The following PLEKHA6 variants were observed in gnomAD, a reference collection of about 807,000 sequenced individuals.
The protein encoded by PLEKHA6 is pleckstrin homology domain-containing family A member 6.
A neutral mutation model predicts 116.7 loss-of-function variants in PLEKHA6; 60 were observed. That is an observed-to-expected ratio of 0.51 (90% confidence interval 0.42 to 0.64). The LOEUF (loss-of-function observed/expected upper bound fraction) is 0.64. Among genes scored for constraint, PLEKHA6 ranks in the 30% least tolerant of loss-of-function variants. The pLI, the probability that PLEKHA6 is intolerant of heterozygous loss-of-function variation, is 0.00. For synonymous variants in PLEKHA6, 489 were observed against 556.1 expected, an observed-to-expected ratio of 0.88 and a Z score of 1.70; for missense variants, 1,338 against 1,422.7, an observed-to-expected ratio of 0.94 and a Z score of 0.96.
chr1:204,267,281 T>A (rs900004428), intron 5 of PLEKHA6, among the ~76,000 whole-genome samples, 194 bp downstream of exon 5: 2 of 152,204 alleles, frequency 1.3e-5, no homozygotes, highest in South Asian at 4.1e-4. Flanking sequence ...GTGAACTGAA[T>A]GGGTGAGTAA....
chr1:204,352,791 C>A (rs3014612), intron 1 of PLEKHA6, among the ~76,000 whole-genome samples: 34,931 of 151,948 alleles, frequency 0.23, 6,732 homozygotes, highest in African/African-American at 0.53. Context: ...TTAAGACTAG[C>A]CTGGGCAACA....
chr1:204,373,465 C>T (rs1673813859), intron 1 of PLEKHA6, among the ~76,000 whole-genome samples: 1 of 152,180 alleles, frequency 6.6e-6, no homozygotes, highest in African/African-American at 2.4e-5. Context: ...AGTGATCCTC[C>T]TGCCTTGGCC....
intron 1 of PLEKHA6, among the ~76,000 whole-genome samples, chr1:204,338,549 G>A (rs773078477): frequency 1.4e-4 from 21 of 152,294 alleles, no homozygotes; most frequent in Non-Finnish European, 2.5e-4. Flanking sequence ...TTAGGGTGGG[G>A]TGTTGAGATT....
At chr1:204,354,566 G>T (rs1194400907) in intron 1 of PLEKHA6, among the ~76,000 whole-genome samples, 1 of 152,156 alleles carries the variant, frequency 6.6e-6, no homozygotes, top group Non-Finnish European at 1.5e-5. Context: ...TACTCACCTA[G>T]GTATCAGCTA....
chr1:204,342,577 T>G (rs1174827815), intron 1 of PLEKHA6, among the ~76,000 whole-genome samples: 3 of 152,208 alleles, frequency 2.0e-5, no homozygotes, highest in Non-Finnish European at 2.9e-5. Flanking sequence ...TGATTCAGCA[T>G]GTTGGGGTGA....
chr1:204,351,068 A>C (rs1188729538), intron 1 of PLEKHA6, among the ~76,000 whole-genome samples: 1 of 152,108 alleles, frequency 6.6e-6, no homozygotes, highest in East Asian at 1.9e-4. Flanking sequence ...CCCAGCTGGG[A>C]GGCCGCCAGT....
rs1246786640 is a variant in PLEKHA6 at position 204,261,175 on chromosome 1, G to A, written c.524+131C>T. On this transcript the variant is annotated intron_variant, in intron 7 of 22. Coordinates refer to ENST00000272203, the MANE Select transcript of PLEKHA6 (RefSeq NM_014935.5). This position sits in a 1 kb window ranked among gnomAD's most constrained non-coding sequence, Gnocchi z 4.0. Reference sequence around the variant, plus strand: ...AGCCAGGCCTCCCGCCTGGATGCAAGGAGACGGCTCACACATTCTCCAGGG... The same window carrying A: ...AGCCAGGCCTCCCGCCTGGATGCAAAGAGACGGCTCACACATTCTCCAGGG... The A allele has an allele frequency of 2.7e-6, 3 of 1,103,226 alleles. No homozygotes were observed. Among genetic ancestry groups the A allele is most frequent in the Non-Finnish European group, 4.1e-6 (3 of 737,446 alleles). 68.3% of individuals were successfully genotyped at this position (1,103,226 alleles called of 1,614,324 possible). A position where few individuals can be genotyped will look rare whatever the true frequency, so the allele number is the denominator to read the frequency against.
chr1:204,259,385 C>T lies in PLEKHA6; in HGVS notation c.880G>A (p.Gly294Arg). Reference sequence around the variant, plus strand: ...CGTGGTGGGAAACTCCGCCGGTGTCCCCCAGTCTCTCCATCCTGAGACGGG... The same window carrying T: ...CGTGGTGGGAAACTCCGCCGGTGTCTCCCAGTCTCTCCATCCTGAGACGGG... ...AFPSQDGETG[G>R]HRRSFPPRTN... Residue 294 changes from glycine (G) to arginine (R), a missense_variant, in exon 8 of 23, where the codon GGA (glycine) becomes AGA (arginine). This residue lies in a region of PLEKHA6 where 1,136 missense variants were observed against 1,163.6 expected (regional missense o/e 0.98). Coordinates refer to ENST00000272203, the MANE Select transcript of PLEKHA6 (RefSeq NM_014935.5). This position sits in a 1 kb window ranked among gnomAD's most constrained non-coding sequence, Gnocchi z 4.6. The T allele has an allele frequency of 6.2e-7, 1 of 1,614,230 alleles. No individual in the cohort carries two copies. The highest frequency in any genetic ancestry group is 8.5e-7 in the Non-Finnish European group (1 of 1,180,044).
chr1:204,371,053 C>CAAAAAAAAAAAAAAAAAAA (rs34493461), intron 2 of PLEKHA6, among the ~76,000 whole-genome samples: 4 of 68,484 alleles, frequency 5.8e-5, no homozygotes, highest in African/African-American at 2.4e-4. Flanking sequence ...GACTCTGCCT[C>CAAAAAAAAAAAAAAAAAAA]AAAAAAAAAA....
chr1:204,275,635 G>T, intron 1 of PLEKHA6: 2 of 901,264 alleles, frequency 2.2e-6, no homozygotes, highest in Non-Finnish European at 2.7e-6. Context: ...CTGAGTGTCA[G>T]GACAGTTCCC....
At chr1:204,284,449 C>T (rs1668953158) in intron 1 of PLEKHA6, among the ~76,000 whole-genome samples, 1 of 152,110 alleles carries the variant, frequency 6.6e-6, no homozygotes, top group Non-Finnish European at 1.5e-5. Flanking sequence ...GAATCTGGAA[C>T]TTCCCCTGTA....
At chr1:204,333,228 G>A (rs1306526633) in intron 1 of PLEKHA6, among the ~76,000 whole-genome samples, 1 of 152,178 alleles carries the variant, frequency 6.6e-6, no homozygotes, top group Non-Finnish European at 1.5e-5. Flanking sequence ...GAATGATCTG[G>A]CCCTGGCATT....
chr1:204,233,729 G>A (rs113423097), intron 17 of PLEKHA6, among the ~76,000 whole-genome samples: 5,582 of 152,196 alleles, frequency 0.037, 148 homozygotes, highest in Non-Finnish European at 0.059. Flanking sequence ...GACTACAGGC[G>A]TGAACCACTG....
rs76812890 is a variant in PLEKHA6, at chr1:204,252,932, C to T, written c.1525-2318G>A. On this transcript the variant is annotated intron_variant, in intron 9 of 22. Coordinates refer to ENST00000272203, the MANE Select transcript of PLEKHA6 (RefSeq NM_014935.5). ...CGCAGATCCAGAGCAGTAGAGGAAGCGAGCAGGAGTGTTCTCATCCTGGCC... is the reference window on the plus strand; with the variant it reads ...CGCAGATCCAGAGCAGTAGAGGAAGTGAGCAGGAGTGTTCTCATCCTGGCC... Among the ~76,000 whole-genome samples the T allele has an allele frequency of 3.1e-4, 47 of 152,324 alleles. No homozygotes were observed. The East Asian group carries it at 6.6e-3, about 21-fold the overall frequency.
Position 204,368,969 on chromosome 1 carries a change from A to C in PLEKHA6, c.161-1113T>G, listed in dbSNP as rs552111482. On this transcript the variant is annotated intron_variant, in intron 2 of 4. Coordinates refer to the PLEKHA6 transcript ENST00000564627. ...TGCTTTGAGGCACCAGCTGCTGGGG[A>C]GCAGTGCCTGGGTTCTGCAGAGTGG... is the stretch of plus-strand genomic sequence containing the variant. The C allele has an allele frequency of 2.6e-5, 4 of 152,298 alleles. No homozygotes were observed. The South Asian group carries it at 8.3e-4, about 32-fold the overall frequency. 9.4% of individuals were successfully genotyped at this position (152,298 alleles called of 1,614,324 possible). A position where few individuals can be genotyped will look rare whatever the true frequency, so the allele number is the denominator to read the frequency against.
At chr1:204,298,540 C>T (rs1213250100) in intron 1 of PLEKHA6, among the ~76,000 whole-genome samples, 1 of 152,186 alleles carries the variant, frequency 6.6e-6, no homozygotes. Flanking sequence ...TCAGACTACC[C>T]TGCTCCTTGC....
At chr1:204,361,863 A>G (rs1042130838), upstream of PLEKHA6, among the ~76,000 whole-genome samples, 13 of 151,986 alleles carry the variant, frequency 8.6e-5, no homozygotes, top group Non-Finnish European at 1.8e-4. Context: ...AGATTACAGC[A>G]TCCCAGAGGG....
intron 18 of PLEKHA6, among the ~76,000 whole-genome samples, chr1:204,229,593 T>C (rs1449958614): frequency 6.6e-6 from 1 of 152,076 alleles, no homozygotes; most frequent in Non-Finnish European, 1.5e-5. Context: ...TTAAACATGT[T>C]TTTATAGAGA....
Position 204,264,836 on chromosome 1 carries a change from C to T in PLEKHA6, c.381+106G>A, listed in dbSNP as rs961475853. The T allele has an allele frequency of 2.2e-4, 191 of 853,208 alleles. 3 individuals are homozygous for T. In the Admixed American group the frequency reaches 3.2e-3, roughly 14 times the overall value. The allele number at this position is 853,208 out of a possible 1,614,324, so 52.9% of individuals were successfully genotyped here. A position where few individuals can be genotyped will look rare whatever the true frequency, so the allele number is the denominator to read the frequency against. ...CCACCACTGCTATGGCCACCACCAC[C>T]TGGGATTCCTTAGAGCGATGGCTCT... On this transcript the variant is annotated intron_variant, in intron 6 of 22. Coordinates refer to ENST00000272203, the MANE Select transcript of PLEKHA6 (RefSeq NM_014935.5).
Sources: allele counts gnomAD v4.1 joint callset (sites outside exome capture counted in the v4.1 genomes callset), GRCh38; gene constraint gnomAD v4.1.1; regional missense constraint gnomAD v4.1.1; non-coding constraint Gnocchi (gnomAD v3.1); transcripts MANE v1.5; gene names NCBI Gene and HGNC (gene_info 2026-07-23, HGNC 2026-07-21).